NAALADL2: variants seen among roughly 807,000 people sequenced by gnomAD.
NAALADL2 encodes N-acetylated alpha-linked acidic dipeptidase like 2, also known as inactive N-acetylated-alpha-linked acidic dipeptidase-like protein 2.
In NAALADL2, 76 loss-of-function variants were observed where a neutral mutation model predicts 87.2. The ratio of observed to expected loss-of-function variants is 0.87; its 90% CI spans 0.72 to 1.05. The LOEUF (loss-of-function observed/expected upper bound fraction) is 1.05. NAALADL2 is among the 50% of genes least tolerant of loss of function. The pLI, the probability that NAALADL2 is intolerant of heterozygous loss-of-function variation, is 0.00. For synonymous variants in NAALADL2, 354 were observed against 331.0 expected, an observed-to-expected ratio of 1.07 and a Z score of -0.75; for missense variants, 1,089 against 945.8, an observed-to-expected ratio of 1.15 and a Z score of -1.99.
chr3:174,581,457 G>A (rs562100563), intron 2 of NAALADL2, among the ~76,000 whole-genome samples: 5 of 152,082 alleles, frequency 3.3e-5, no homozygotes, highest in Middle Eastern at 6.8e-3. Flanking sequence ...ATGCGTTCAA[G>A]AGCATGCCAT....
chr3:175,495,729 TCTC>T (rs377665880), intron 9 of NAALADL2, among the ~76,000 whole-genome samples: 195 of 152,172 alleles, frequency 1.3e-3, no homozygotes, highest in African/African-American at 4.3e-3. Context: ...TGATGCCTCT[TCTC>T]TTCTCCTCTG....
chr3:175,740,769 T>C (rs1745124771), intron 12 of NAALADL2, among the ~76,000 whole-genome samples: 1 of 152,214 alleles, frequency 6.6e-6, no homozygotes, highest in Non-Finnish European at 1.5e-5. Flanking sequence ...TTAGGAAATG[T>C]TCTGCTCTCT....
chr3:174,443,350 G>A lies in NAALADL2; in HGVS notation c.-184+2318G>A, dbSNP rs950766991. 1.3e-5 allele frequency among the ~76,000 whole-genome samples: 2 copies of A among 152,164 alleles called. 1 individual carries two copies. The highest frequency in any genetic ancestry group is 2.9e-5 in the Non-Finnish European group (2 of 68,020). On this transcript the variant is annotated intron_variant, in intron 1 of 3. Coordinates refer to the NAALADL2 transcript ENST00000434257. ...ATATTTTGAGGGTGTATTCCTCAGG[G>A]TTTGCTGAGAGATAGGATATGGAAT...
At chr3:175,252,857 A>C (rs1749295957) in intron 3 of NAALADL2, among the ~76,000 whole-genome samples, 1 of 152,188 alleles carries the variant, frequency 6.6e-6, no homozygotes, top group Admixed American at 6.5e-5. Flanking sequence ...TATTTAGCCA[A>C]AGCCTAATCC....
chr3:175,256,335 T>A, intron 3 of NAALADL2, 76 bp from the exon 4 acceptor site: 1 of 1,334,654 alleles, frequency 7.5e-7, no homozygotes, highest in African/African-American at 1.5e-5. Flanking sequence ...TGAATAATTT[T>A]GTTATACTAA....
At chr3:175,509,123 A>T (rs1582183982) in intron 9 of NAALADL2, among the ~76,000 whole-genome samples, 1 of 151,172 alleles carries the variant, frequency 6.6e-6, no homozygotes, top group South Asian at 2.1e-4. Context: ...TGTCAAAAAA[A>T]AAAAAGAAAA....
chr3:175,749,767 T>C (rs1746394733), intron 12 of NAALADL2, among the ~76,000 whole-genome samples: 8 of 152,240 alleles, frequency 5.3e-5, no homozygotes, highest in Admixed American at 5.2e-4. Flanking sequence ...TAGTTTGTGC[T>C]GATCCCAGGT....
intron 3 of NAALADL2, among the ~76,000 whole-genome samples, chr3:174,853,727 T>C (rs1315602506): frequency 6.6e-6 from 1 of 152,036 alleles, no homozygotes; most frequent in Non-Finnish European, 1.5e-5. Context: ...AAGATCTGAA[T>C]AGACATCTTG....
chr3:175,579,534 T>C (rs933844967), intron 10 of NAALADL2, among the ~76,000 whole-genome samples: 2 of 152,218 alleles, frequency 1.3e-5, no homozygotes, highest in Non-Finnish European at 2.9e-5. Context: ...TAATTAACTT[T>C]TGCAAATGCA....
At chr3:174,446,608 T>C (rs1381044251) in intron 1 of NAALADL2, among the ~76,000 whole-genome samples, 2 of 152,180 alleles carry the variant, frequency 1.3e-5, no homozygotes, top group Admixed American at 6.5e-5. Flanking sequence ...TATTTTCATT[T>C]CAGTTTAATA....
chr3:175,547,901 C>T (rs1007225302), intron 9 of NAALADL2, among the ~76,000 whole-genome samples: 1 of 151,898 alleles, frequency 6.6e-6, no homozygotes, highest in South Asian at 2.1e-4. Flanking sequence ...TCAGAAAATA[C>T]CAGATGCTGG....
chr3:174,816,417 T>TATATGTGTGTGCGC, intron 3 of NAALADL2, among the ~76,000 whole-genome samples: 1 of 149,978 alleles, frequency 6.7e-6, no homozygotes, highest in South Asian at 2.1e-4. Context: ...TGTGTGCGTG[T>TATATGTGTGTGCGC]GTGTGTGTGT....
chr3:175,050,959 G>T (rs1415294023), intron 1 of NAALADL2, among the ~76,000 whole-genome samples: 1 of 152,154 alleles, frequency 6.6e-6, no homozygotes, highest in South Asian at 2.1e-4. Flanking sequence ...CATAAGAGCT[G>T]CACACTTATT....
intron 2 of NAALADL2, among the ~76,000 whole-genome samples, chr3:174,643,064 G>A (rs1723413635): frequency 6.6e-6 from 1 of 152,096 alleles, no homozygotes; most frequent in Non-Finnish European, 1.5e-5. Flanking sequence ...TAACAGGCAT[G>A]AGCCACCAAA....
intron 4 of NAALADL2, among the ~76,000 whole-genome samples, chr3:175,272,443 G>C (rs1414703838): frequency 6.6e-6 from 1 of 151,928 alleles, no homozygotes; most frequent in African/African-American, 2.4e-5. Flanking sequence ...ACAGAGTTAA[G>C]ATTAATTGGT....
At chr3:175,784,098 G>A (rs1194922403) in intron 13 of NAALADL2, among the ~76,000 whole-genome samples, 29 of 149,918 alleles carry the variant, frequency 1.9e-4, no homozygotes, top group East Asian at 9.7e-4. Context: ...TGCTGGATTC[G>A]TTTTGCCAGT....
intron 4 of NAALADL2, among the ~76,000 whole-genome samples, chr3:175,289,376 A>G (rs1293166331): frequency 6.6e-6 from 1 of 152,144 alleles, no homozygotes; most frequent in Non-Finnish European, 1.5e-5. Flanking sequence ...ATAGATGTCA[A>G]TGGATAGAGT....
At chr3:174,880,966 T>C (rs539294893) in intron 1 of NAALADL2, among the ~76,000 whole-genome samples, 10 of 152,254 alleles carry the variant, frequency 6.6e-5, no homozygotes, top group South Asian at 2.1e-4. Flanking sequence ...AACTCTAATA[T>C]CTGCCACTGT....
intron 2 of NAALADL2, among the ~76,000 whole-genome samples, chr3:174,625,272 G>A (rs545620437): frequency 1.1e-4 from 16 of 151,928 alleles, no homozygotes; most frequent in African/African-American, 3.9e-4. Context: ...TGGCCAGGCT[G>A]GTCTCCAACT....
Sources: allele counts gnomAD v4.1 joint callset (sites outside exome capture counted in the v4.1 genomes callset), GRCh38; gene constraint gnomAD v4.1.1; transcripts MANE v1.5; gene names NCBI Gene and HGNC (gene_info 2026-07-23, HGNC 2026-07-21).